Variants in MCPH1 observed in about 807,000 individuals in gnomAD.
MCPH1 encodes microcephalin.
In MCPH1, 104 loss-of-function variants were observed where a neutral mutation model predicts 84.5. That is an observed-to-expected ratio of 1.23 (90% confidence interval 1.05 to 1.45). The LOEUF is 1.45. Among genes scored for constraint, MCPH1 ranks in the 40% most tolerant of loss-of-function variants. The pLI, the probability that MCPH1 is intolerant of heterozygous loss-of-function variation, is 0.00. For missense variants in MCPH1, 1,498 were observed against 1,005.7 expected, an observed-to-expected ratio of 1.49 and a Z score of -6.62; for synonymous variants, 514 against 366.8, an observed-to-expected ratio of 1.40 and a Z score of -4.58.
intron 11 of MCPH1, among the ~76,000 whole-genome samples, chr8:6,487,101 C>G (rs1810027302): frequency 6.6e-6 from 1 of 152,200 alleles, no homozygotes; most frequent in Non-Finnish European, 1.5e-5. Context: ...TGATTCTGAA[C>G]AGCTTATGAA....
At chr8:6,544,614 G>A (rs527599343) in intron 12 of MCPH1, among the ~76,000 whole-genome samples, 5 of 152,210 alleles carry the variant, frequency 3.3e-5, no homozygotes, top group South Asian at 4.2e-4. Context: ...AGTAAGAACC[G>A]ACATGCACAA....
chr8:6,431,966 G>GCAAA (rs1194961809), intron 4 of MCPH1, among the ~76,000 whole-genome samples: 1 of 152,188 alleles, frequency 6.6e-6, no homozygotes, highest in Non-Finnish European at 1.5e-5. Flanking sequence ...ATCCAAGTGT[G>GCAAA]CAAAGTCATT....
chr8:6,609,834 A>ACC (rs1830116181), intron 12 of MCPH1, among the ~76,000 whole-genome samples: 2 of 70,614 alleles, frequency 2.8e-5, no homozygotes, highest in African/African-American at 4.1e-5. Context: ...CCCCCCACAC[A>ACC]CAGACTGCCA....
At chr8:6,483,357 G>A (rs1403542535) in intron 11 of MCPH1, among the ~76,000 whole-genome samples, 1 of 152,180 alleles carries the variant, frequency 6.6e-6, no homozygotes, top group Non-Finnish European at 1.5e-5. Flanking sequence ...TAAGGAGCCA[G>A]AATAGCCAAA....
intron 3 of MCPH1, among the ~76,000 whole-genome samples, chr8:6,421,367 G>A (rs141748558): frequency 6.6e-6 from 1 of 152,166 alleles, no homozygotes; most frequent in African/African-American, 2.4e-5. Context: ...CTCCTGCCGG[G>A]CTTATGCCTA....
At chr8:6,622,767 G>A (rs1385392149) in intron 13 of MCPH1, among the ~76,000 whole-genome samples, 1 of 152,172 alleles carries the variant, frequency 6.6e-6, no homozygotes, top group Non-Finnish European at 1.5e-5. Flanking sequence ...ATCTCTGTGT[G>A]TGTCCAAATG....
intron 3 of MCPH1, among the ~76,000 whole-genome samples, chr8:6,425,091 G>A (rs1214832285): frequency 4.6e-5 from 7 of 152,148 alleles, no homozygotes; most frequent in South Asian, 2.1e-4. Context: ...AATGAGAGTC[G>A]GTGGTTCCTG....
intron 12 of MCPH1, among the ~76,000 whole-genome samples, chr8:6,599,481 A>C (rs958036558): frequency 6.6e-6 from 1 of 152,216 alleles, no homozygotes; most frequent in Non-Finnish European, 1.5e-5. Flanking sequence ...CTTTAATTAG[A>C]ATGTTTCTAC....
At chr8:6,482,409 G>A (rs932410916) in intron 11 of MCPH1, among the ~76,000 whole-genome samples, 2 of 152,198 alleles carry the variant, frequency 1.3e-5, no homozygotes, top group Non-Finnish European at 2.9e-5. Flanking sequence ...CACGGACTGT[G>A]CCCCCTTTGG....
chr8:6,443,528 A>T (rs1442934995), intron 7 of MCPH1, among the ~76,000 whole-genome samples: 1 of 152,240 alleles, frequency 6.6e-6, no homozygotes, highest in Admixed American at 6.5e-5. Context: ...TACAAAACAC[A>T]GGCCCTCCAC....
intron 11 of MCPH1, among the ~76,000 whole-genome samples, chr8:6,484,882 C>A (rs1005241363): frequency 6.6e-6 from 1 of 152,180 alleles, no homozygotes; most frequent in Non-Finnish European, 1.5e-5. Flanking sequence ...TCTGCCTCTG[C>A]AGAACAATAG....
chr8:6,536,035 C>A (rs1198089458), intron 12 of MCPH1, among the ~76,000 whole-genome samples: 1 of 151,618 alleles, frequency 6.6e-6, no homozygotes, highest in Admixed American at 6.6e-5. Flanking sequence ...GCAGCTTGGG[C>A]GACAGAGTGA....
chr8:6,408,718 C>A (rs1045129469), intron 1 of MCPH1, among the ~76,000 whole-genome samples: 2 of 151,602 alleles, frequency 1.3e-5, no homozygotes, highest in Non-Finnish European at 2.9e-5. Context: ...GCCACCATTC[C>A]TGGCTAATTA....
intron 13 of MCPH1, among the ~76,000 whole-genome samples, chr8:6,640,217 G>A (rs1183283007): frequency 6.6e-6 from 1 of 152,030 alleles, no homozygotes; most frequent in Non-Finnish European, 1.5e-5. Flanking sequence ...GGCTCATGAA[G>A]ATTTCTGTAA....
chr8:6,431,580 A>G lies in MCPH1; in HGVS notation c.315A>G (p.Lys105=). 6.2e-7 allele frequency: 1 copy of G among 1,604,508 alleles called. No homozygotes were observed. Among genetic ancestry groups the G allele is most frequent in the Non-Finnish European group, 8.5e-7 (1 of 1,172,692 alleles). ...ATGAACACTTATCAAGCCTAATTAA[A>G]AAAAAAGTAAGTACATGATTTCAAT... The part of the protein sequence containing the change: ...NMNEHLSSLI[K]KKRKCMQPKD... Residue 105 remains lysine (K), a synonymous_variant, in exon 4 of 14, where the codon AAA becomes AAG. Coordinates refer to ENST00000344683, the MANE Select transcript of MCPH1 (RefSeq NM_024596.5).
chr8:6,409,381 T>G lies in MCPH1; in HGVS notation c.114+11T>G, dbSNP rs1585553984. 1.9e-6 allele frequency: 3 copies of G among 1,581,222 alleles called. No homozygotes were observed. The highest frequency in any genetic ancestry group is 1.3e-5 in the African/African-American group (1 of 74,410). On this transcript the variant is annotated intron_variant, in intron 2 of 13. Transcript: ENST00000344683. ...GATATGGGGGCAAAGGTAAGACACT[T>G]ATTTTGCTGTTGATTCATATGACAG... is the stretch of plus-strand genomic sequence containing the variant.
At chr8:6,415,295 C>CTTTTTTTT (rs55718615) in intron 3 of MCPH1, among the ~76,000 whole-genome samples, 30,545 of 145,000 alleles carry the variant, frequency 0.21, 3,669 homozygotes, top group African/African-American at 0.29. Context: ...TTGGTATCTT[C>CTTTTTTTT]TTTTTTTTTT....
At chr8:6,491,758 A>C (rs1190806686) in intron 11 of MCPH1, among the ~76,000 whole-genome samples, 2 of 152,042 alleles carry the variant, frequency 1.3e-5, no homozygotes, top group Admixed American at 1.3e-4. Context: ...TAGTTTGCTG[A>C]GAATGATGGT....
At chr8:6,440,449 C>T (rs891376504) in intron 6 of MCPH1, among the ~76,000 whole-genome samples, 4 of 152,158 alleles carry the variant, frequency 2.6e-5, no homozygotes, top group African/African-American at 4.8e-5. Context: ...GCAGGACATG[C>T]ACTCCTGGGC....
Sources: gnomAD v4.1 joint callset for allele counts (sites outside exome capture counted in the v4.1 genomes callset) on GRCh38, gnomAD v4.1.1 for gene constraint, MANE v1.5 for transcripts, NCBI Gene and HGNC (gene_info 2026-07-23, HGNC 2026-07-21) for gene names.